Variants in MMP24 observed in about 807,000 individuals in gnomAD.
The protein encoded by MMP24 is matrix metallopeptidase 24.
A neutral mutation model predicts 62.8 loss-of-function variants in MMP24; 25 were observed. The ratio of observed to expected loss-of-function variants is 0.40; its 90% CI spans 0.29 to 0.56. MMP24 has a LOEUF of 0.56. Ranked by LOEUF, MMP24 falls within the 20% of genes least tolerant of loss-of-function variation. The pLI is 0.50. For synonymous variants in MMP24, 319 were observed against 350.5 expected, an observed-to-expected ratio of 0.91 and a Z score of 1.00; for missense variants, 634 against 853.6, an observed-to-expected ratio of 0.74 and a Z score of 3.21.
At chr20:35,237,530 A>C (rs1249565744) in intron 1 of MMP24, among the ~76,000 whole-genome samples, 1 of 152,238 alleles carries the variant, frequency 6.6e-6, no homozygotes, top group Non-Finnish European at 1.5e-5. Context: ...AGTCTCTTTT[A>C]CCACATAAGG....
intron 6 of MMP24, among the ~76,000 whole-genome samples, chr20:35,268,984 G>A (rs942998526): frequency 2.0e-5 from 3 of 147,214 alleles, no homozygotes; most frequent in South Asian, 2.2e-4. Flanking sequence ...CCGAGATTGC[G>A]CCACTGCACT....
At chr20:35,264,996 C>A (rs1004760261) in intron 5 of MMP24, among the ~76,000 whole-genome samples, 23 of 152,194 alleles carry the variant, frequency 1.5e-4, no homozygotes, top group African/African-American at 5.3e-4. Context: ...GGAGGACAGG[C>A]AGGACCTCCA....
At position 35,226,890 on chromosome 20, in the gene MMP24, G is replaced by GGGCGGC. The variant is rs1180290790; in HGVS notation, c.167_172dup (p.Ala56_Ala57dup). The GGGCGGC allele has an allele frequency of 5.3e-5, 52 of 977,174 alleles. No individual in the cohort carries two copies. The highest frequency in any genetic ancestry group is 1.4e-4 in the South Asian group (3 of 21,938). The allele number at this position is 977,174 out of a possible 1,614,324, so 60.5% of individuals were successfully genotyped here. ...CTCTGCTGCCTCCCGGGCGCCGCGCGGGCGGCGGCGGCGGCGGCGGGGGCA... is the reference window on the plus strand; with the variant it reads ...CTCTGCTGCCTCCCGGGCGCCGCGCGGGCGGCGGCGGCGGCGGCGGCGGCGGGGGCA... On this transcript the variant is annotated inframe_insertion, in exon 1 of 9. Transcript: ENST00000246186.
intron 2 of MMP24, among the ~76,000 whole-genome samples, chr20:35,250,488 G>C (rs1449239147): frequency 6.6e-6 from 1 of 151,872 alleles, no homozygotes; most frequent in Non-Finnish European, 1.5e-5. Flanking sequence ...GCTTGAACTT[G>C]GGAGGCAGAG....
At chr20:35,265,483 T>C (rs2060628187) in intron 5 of MMP24, among the ~76,000 whole-genome samples, 1 of 152,188 alleles carries the variant, frequency 6.6e-6, no homozygotes, top group South Asian at 2.1e-4. Flanking sequence ...ATTTGGGATC[T>C]TTGTTGTTCA....
chr20:35,228,318 G>A (rs1003326083), intron 1 of MMP24, among the ~76,000 whole-genome samples: 2 of 152,220 alleles, frequency 1.3e-5, no homozygotes, highest in African/African-American at 4.8e-5. Context: ...AGAACCTTTA[G>A]TGCCAGTTGG....
chr20:35,263,974 G>A, intron 5 of MMP24, 22 bp downstream of exon 5: 1 of 1,579,624 alleles, frequency 6.3e-7, no homozygotes, highest in Non-Finnish European at 8.6e-7. Context: ...GGAGAGGGGG[G>A]ACTGCTCCTT....
chr20:35,271,891 C>T lies in MMP24; in HGVS notation c.1600+56C>T, dbSNP rs943817178. 6.5e-7 allele frequency: 1 copy of T among 1,542,060 alleles called. No individual in the cohort carries two copies. On this transcript the variant is annotated intron_variant, in intron 8 of 8. Transcript: ENST00000246186. This position sits in a 1 kb window ranked among gnomAD's most constrained non-coding sequence, Gnocchi z 4.0. ...GGGAGCCGGTTTTATGTGGTCCTCA[C>T]CAGTGCCCACGGGCATACTCAGTGC... is the stretch of plus-strand genomic sequence containing the variant.
At chr20:35,267,837 T>C (rs1438771386) in intron 6 of MMP24, 1 of 221,098 alleles carries the variant, frequency 4.5e-6, no homozygotes, top group Non-Finnish European at 9.0e-6. Flanking sequence ...TGAGTCTGAC[T>C]CCAGACCCTA....
chr20:35,245,808 CAAAAA>C (rs763638366), intron 1 of MMP24, among the ~76,000 whole-genome samples: 4 of 112,386 alleles, frequency 3.6e-5, no homozygotes, highest in Admixed American at 9.2e-5. Flanking sequence ...TCACCTGGGC[CAAAAA>C]AAAAAAAAAA....
intron 2 of MMP24, 28 bp downstream of exon 2, chr20:35,247,016 T>C: frequency 6.2e-7 from 1 of 1,612,900 alleles, no homozygotes. Context: ...CATTGTGCCT[T>C]TGAACTTTCT....
Position 35,267,247 on chromosome 20 carries a change from C to T in MMP24, c.1022C>T (p.Thr341Ile). 5.0e-6 allele frequency: 8 copies of T among 1,605,452 alleles called. No individual in the cohort carries two copies. Among genetic ancestry groups the T allele is most frequent in the East Asian group, 2.3e-5 (1 of 44,354 alleles). Residue 341 changes from threonine (T) to isoleucine (I), a missense_variant, in exon 6 of 9, where the codon ACA becomes ATA. By Grantham distance (89) the Thr-to-Ile change is moderately conservative. Coordinates refer to ENST00000246186, the MANE Select transcript of MMP24 (RefSeq NM_006690.4). ...EPLEPTRPLP[T>I]LPVRRIHSPS... is the part of the protein sequence containing the mutation. ...CTGGAGCCCACAAGGCCACTCCCTA[C>T]ACTCCCCGTCCGCAGGATCCACTCA...
At chr20:35,262,103 G>A (rs576891657) in intron 4 of MMP24, among the ~76,000 whole-genome samples, 4 of 152,262 alleles carry the variant, frequency 2.6e-5, no homozygotes, top group African/African-American at 7.2e-5. Flanking sequence ...CGCCCAGCCA[G>A]CTCAGGGCCT....
chr20:35,238,192 G>T (rs928245434), intron 1 of MMP24, among the ~76,000 whole-genome samples: 1 of 152,180 alleles, frequency 6.6e-6, no homozygotes, highest in Non-Finnish European at 1.5e-5. Context: ...GCTAATAGAA[G>T]ACTTTTCTAA....
At chr20:35,253,395 A>G (rs1385643335) in intron 3 of MMP24, among the ~76,000 whole-genome samples, 7 of 150,888 alleles carry the variant, frequency 4.6e-5, no homozygotes, top group Admixed American at 4.0e-4. Flanking sequence ...GAAATCTGAC[A>G]AGAGAAGGAA....
chr20:35,254,384 T>C, intron 3 of MMP24, 66 bp from the exon 4 acceptor site: 1 of 1,415,256 alleles, frequency 7.1e-7, no homozygotes, highest in Non-Finnish European at 9.7e-7. Flanking sequence ...GTCTCAGGTA[T>C]CTATTTTAGC....
intron 1 of MMP24, among the ~76,000 whole-genome samples, chr20:35,228,244 A>G (rs888300878): frequency 6.6e-6 from 1 of 152,152 alleles, no homozygotes; most frequent in African/African-American, 2.4e-5. Context: ...GGACCCCTAG[A>G]TTTCTTCAGC....
At position 35,276,520 on chromosome 20, in the gene MMP24, T is replaced by A; in HGVS notation, c.*1911T>A. ...GGGCTGGCTGGGTCTTGTGTCCCCA[T>A]CTGTGGACCCCTCTAGGGTCTGAGA... On this transcript the variant is annotated 3_prime_UTR_variant, in exon 9 of 9. Transcript: ENST00000246186. 1 of 387,354 alleles carries A rather than the reference T, an allele frequency of 2.6e-6. No individual in the cohort carries two copies. Among genetic ancestry groups the A allele is most frequent in the Non-Finnish European group, 4.6e-6 (1 of 218,830 alleles). The allele number at this position is 387,354 out of a possible 1,614,324, so 24.0% of individuals were successfully genotyped here. A position where few individuals can be genotyped will look rare whatever the true frequency, so the allele number is the denominator to read the frequency against.
chr20:35,248,152 T>C (rs929015320), intron 2 of MMP24, among the ~76,000 whole-genome samples: 2 of 151,816 alleles, frequency 1.3e-5, no homozygotes, highest in Admixed American at 1.3e-4. Context: ...CCAAGGGAGT[T>C]GGTGGGGGGA....
Sources: gnomAD v4.1 joint callset for allele counts (sites outside exome capture counted in the v4.1 genomes callset) on GRCh38, gnomAD v4.1.1 for gene constraint, Gnocchi (gnomAD v3.1) non-coding constraint, MANE v1.5 for transcripts, NCBI Gene and HGNC (gene_info 2026-07-23, HGNC 2026-07-21) for gene names.